Variants in PRKCZ observed in about 807,000 individuals in gnomAD.
The protein encoded by PRKCZ is protein kinase C zeta type.
A neutral mutation model predicts 79.5 loss-of-function variants in PRKCZ; 33 were observed. The observed-to-expected ratio is 0.41, with a 90% CI of 0.31 to 0.55. PRKCZ has a LOEUF of 0.55. Among genes scored for constraint, PRKCZ ranks in the 20% least tolerant of loss-of-function variants. The pLI is 0.19. For missense variants in PRKCZ, 578 were observed against 813.5 expected, an observed-to-expected ratio of 0.71 and a Z score of 3.52; for synonymous variants, 342 against 320.9, an observed-to-expected ratio of 1.07 and a Z score of -0.70.
intron 4 of PRKCZ, among the ~76,000 whole-genome samples, chr1:2,071,943 T>C (rs896162156): frequency 3.3e-5 from 5 of 152,244 alleles, no homozygotes; most frequent in African/African-American, 1.2e-4. Context: ...TTATGCACGC[T>C]GAAATCTGAA....
chr1:2,069,070 G>A (rs987266503), intron 4 of PRKCZ, among the ~76,000 whole-genome samples: 3 of 152,184 alleles, frequency 2.0e-5, no homozygotes, highest in Admixed American at 6.5e-5. Flanking sequence ...TCACCACCCC[G>A]CCAGCCACAT....
Position 2,064,995 on chromosome 1 carries a change from C to T in PRKCZ, c.334+5404C>T, listed in dbSNP as rs373212658. Among the ~76,000 whole-genome samples, 11 of 152,308 alleles carry T rather than the reference C, an allele frequency of 7.2e-5. No homozygotes were observed. The East Asian group carries it at 1.5e-3, about 21-fold the overall frequency. On this transcript the variant is annotated intron_variant, in intron 4 of 17. Coordinates refer to ENST00000378567, the MANE Select transcript of PRKCZ (RefSeq NM_002744.6). Reference sequence around the variant, plus strand: ...CCAATCCATGAACTGAAGTGTGTTTCTGTTTGTTTATGTTTTCTTTGATTT... The same window carrying T: ...CCAATCCATGAACTGAAGTGTGTTTTTGTTTGTTTATGTTTTCTTTGATTT...
chr1:2,053,486 C>T (rs1299111143), intron 1 of PRKCZ, among the ~76,000 whole-genome samples: 1 of 152,190 alleles, frequency 6.6e-6, no homozygotes, highest in Non-Finnish European at 1.5e-5. Flanking sequence ...AGGAGTCTCT[C>T]CCGGGCGGCC....
chr1:2,174,949 G>T lies in PRKCZ; in HGVS notation c.1485+116G>T. On this transcript the variant is annotated intron_variant, in intron 15 of 17. Coordinates refer to ENST00000378567, the MANE Select transcript of PRKCZ (RefSeq NM_002744.6). The surrounding 1 kb of genome is among the most constrained non-coding windows in gnomAD (Gnocchi z 6.2). ...GTCGGCTGCTGTGTATCGGGTGTGT[G>T]GGTTGATTTTCCGCTTCAGTATTTG... The T allele has an allele frequency of 9.0e-7, 1 of 1,115,126 alleles. No individual in the cohort carries two copies. Among genetic ancestry groups the T allele is most frequent in the Non-Finnish European group, 1.3e-6 (1 of 755,806 alleles). 69.1% of individuals were successfully genotyped at this position (1,115,126 alleles called of 1,614,324 possible).
intron 5 of PRKCZ, among the ~76,000 whole-genome samples, chr1:2,135,691 G>A (rs1264756042): frequency 6.6e-6 from 1 of 152,208 alleles, no homozygotes; most frequent in African/African-American, 2.4e-5. Flanking sequence ...CGCATGTAGC[G>A]CCAGGGTGTG....
At chr1:2,118,030 C>CA (rs1321603681) in intron 4 of PRKCZ, among the ~76,000 whole-genome samples, 13 of 99,914 alleles carry the variant, frequency 1.3e-4, no homozygotes, top group Admixed American at 6.4e-4. Context: ...CTCACTCTGT[C>CA]ACCCAGGCTG....
chr1:2,121,862 CGTGGTGGTTAGGGTCACG>C (rs1268193579), intron 4 of PRKCZ, among the ~76,000 whole-genome samples: 1 of 620 alleles, frequency 1.6e-3, no homozygotes, highest in Non-Finnish European at 2.2e-3. Context: ...TGGTTAGGGT[CGTGGTGGTTAGGGTCACG>C]GTGGTGGTTA....
rs376564054 is a variant in PRKCZ at position 2,059,599 on chromosome 1, C to G, written c.334+8C>G. On this transcript the variant is annotated splice_region_variant and intron_variant, in intron 4 of 17. Transcript: ENST00000378567. ...CATGTCCGGGAGAAGACAGTGAGTA[C>G]TGGGGTTTCCTACGCCGGTCTCGCA... is the stretch of plus-strand genomic sequence containing the variant. 5 of 1,613,978 alleles carry G rather than the reference C, an allele frequency of 3.1e-6. No individual in the cohort carries two copies. The African/African-American group carries it at 6.7e-5, about 22-fold the overall frequency.
intron 5 of PRKCZ, among the ~76,000 whole-genome samples, chr1:2,138,422 A>G (rs1376679134): frequency 6.6e-6 from 1 of 152,114 alleles, no homozygotes; most frequent in Non-Finnish European, 1.5e-5. Context: ...TCCATGAAGG[A>G]TGGTGCCGGG....
chr1:2,138,264 C>G (rs1014552300), intron 5 of PRKCZ, among the ~76,000 whole-genome samples: 1 of 152,176 alleles, frequency 6.6e-6, no homozygotes, highest in Admixed American at 6.5e-5. Flanking sequence ...AGTGGGCATC[C>G]GTCGCTGGGG....
Position 2,133,149 on chromosome 1 carries a change from A to G in PRKCZ, c.335-2113A>G, listed in dbSNP as rs1443196084. ...AAGGATGTCCAGTTGGCGCATTTTC[A>G]GGGTTTCCCAGGCGCACTGGGGGTG... is the stretch of plus-strand genomic sequence containing the variant. On this transcript the variant is annotated intron_variant, in intron 4 of 17. Coordinates refer to ENST00000378567, the MANE Select transcript of PRKCZ (RefSeq NM_002744.6). Among the ~76,000 whole-genome samples the G allele has an allele frequency of 3.9e-5, 6 of 152,282 alleles. No homozygotes were observed. In the East Asian group the frequency reaches 1.2e-3, roughly 29 times the overall value.
intron 4 of PRKCZ, among the ~76,000 whole-genome samples, chr1:2,123,865 CACG>C (rs202081405): frequency 1.8e-4 from 1 of 5,556 alleles, no homozygotes; most frequent in African/African-American, 1.5e-3. Context: ...TGGTTAGGGT[CACG>C]GTGGCGGTTA....
intron 4 of PRKCZ, among the ~76,000 whole-genome samples, chr1:2,120,292 CGTTTT>C (rs1671603899): frequency 1.2e-4 from 5 of 40,420 alleles, no homozygotes; most frequent in African/African-American, 4.5e-4. Context: ...CTTGACTTTT[CGTTTT>C]TTTTTTTTTT....
intron 4 of PRKCZ, chr1:2,104,795 C>G: frequency 1.0e-6 from 1 of 985,816 alleles, no homozygotes; most frequent in Non-Finnish European, 1.2e-6. Flanking sequence ...GGGCCGAGCA[C>G]GAAAGGGAGA....
At chr1:2,167,632 CT>C (rs1216714572) in intron 10 of PRKCZ, among the ~76,000 whole-genome samples, 1 of 152,176 alleles carries the variant, frequency 6.6e-6, no homozygotes, top group African/African-American at 2.4e-5. Context: ...GAGACAGAGT[CT>C]TGCTCTGTCG....
chr1:2,124,973 G>A (rs879525681), intron 4 of PRKCZ, among the ~76,000 whole-genome samples: 10 of 152,134 alleles, frequency 6.6e-5, no homozygotes, highest in Non-Finnish European at 1.3e-4. Flanking sequence ...GTGTCCCCTC[G>A]CAGCTCAGTT....
At chr1:2,144,588 G>A in intron 6 of PRKCZ, 1 of 1,364,658 alleles carries the variant, frequency 7.3e-7, no homozygotes, top group Non-Finnish European at 9.5e-7. Flanking sequence ...GGCTCAGGTA[G>A]GACGTGGTAC....
At chr1:2,124,998 A>G (rs867329451) in intron 4 of PRKCZ, among the ~76,000 whole-genome samples, 1 of 152,020 alleles carries the variant, frequency 6.6e-6, no homozygotes, top group Non-Finnish European at 1.5e-5. Flanking sequence ...GTTCTGAGTT[A>G]TTGTGACTCA....
chr1:2,144,222 G>A lies in PRKCZ; in HGVS notation c.433G>A (p.Gly145Ser), dbSNP rs1346470067. The change falls in exon 6 of 18, where the codon GGT becomes AGT. Residue 145 changes from glycine (G) to serine (S), a missense_variant. Coordinates refer to ENST00000378567, the MANE Select transcript of PRKCZ (RefSeq NM_002744.6). Reference sequence around the variant, plus strand: ...TTCCCACCTGCAGAGAGCGTACTGCGGTCAGTGCAGCGAGAGGATATGGGG... The same window carrying A: ...TTCCCACCTGCAGAGAGCGTACTGCAGTCAGTGCAGCGAGAGGATATGGGG... ...AKRFNRRAYC[G>S]QCSERIWGLA... 27 of 1,552,144 alleles carry A rather than the reference G, an allele frequency of 1.7e-5. No homozygotes were observed. The highest frequency in any genetic ancestry group is 2.4e-5 in the South Asian group (2 of 84,094).
Sources: allele counts gnomAD v4.1 joint callset (sites outside exome capture counted in the v4.1 genomes callset), GRCh38; gene constraint gnomAD v4.1.1; non-coding constraint Gnocchi (gnomAD v3.1); transcripts MANE v1.5; gene names NCBI Gene and HGNC (gene_info 2026-07-23, HGNC 2026-07-21).